PRPSAP1: variants seen among roughly 807,000 people sequenced by gnomAD.
PRPSAP1 encodes phosphoribosyl pyrophosphate synthetase associated protein 1.
PRPSAP1 carries 31 observed loss-of-function variants against 39.4 expected under a neutral mutation model. That is an observed-to-expected ratio of 0.79 (90% CI 0.59 to 1.06). PRPSAP1 has a LOEUF of 1.06. Ranked by LOEUF, PRPSAP1 falls within the 50% of genes least tolerant of loss-of-function variation. The pLI is 0.00. For synonymous variants in PRPSAP1, 212 were observed against 192.6 expected (o/e 1.10, Z -0.83); for missense variants, 430 against 511.6 (o/e 0.84, Z 1.54).
Position 76,326,444 on chromosome 17 carries a change from A to C in PRPSAP1, c.781+2273T>G, listed in dbSNP as rs528662411. 2.6e-5 allele frequency among the ~76,000 whole-genome samples: 4 copies of C among 152,264 alleles called. No individual in the cohort carries two copies. In the South Asian group the frequency reaches 8.3e-4, roughly 32 times the overall value. ...TACAGTGGAGAAACCTGCCAGAGAA[A>C]CCTTAACCAACTTATCAGAATGCAC... On this transcript the variant is annotated intron_variant, in intron 7 of 9. Coordinates refer to ENST00000446526, the MANE Select transcript of PRPSAP1 (RefSeq NM_002766.3).
Position 76,353,892 on chromosome 17 carries a change from G to A in PRPSAP1, c.-189C>T, listed in dbSNP as rs2071613802. The stretch of plus-strand genomic sequence containing the variant: ...AGCGGCCGAGCCTTCGCAGCGCCCG[G>A]CGCCGCCGCCTCAGAGCCAGAGGCA... On this transcript the variant is annotated 5_prime_UTR_variant, in exon 1 of 10. Coordinates refer to ENST00000446526, the MANE Select transcript of PRPSAP1 (RefSeq NM_002766.3). 4.5e-6 allele frequency: 6 copies of A among 1,329,796 alleles called. No individual in the cohort carries two copies. Among genetic ancestry groups the A allele is most frequent in the Middle Eastern group, 2.8e-4 (1 of 3,538 alleles). The allele number at this position is 1,329,796 out of a possible 1,614,324, so 82.4% of individuals were successfully genotyped here.
In PRPSAP1 at chr17:76,331,221, AAAAGGTACATATATAT is replaced by A. The variant is rs1283443354; in HGVS notation, c.464-571_464-556del. Among the ~76,000 whole-genome samples the A allele has an allele frequency of 2.6e-5, 4 of 152,210 alleles. No homozygotes were observed. In the East Asian group the frequency reaches 7.7e-4, roughly 29 times the overall value. Reference sequence around the variant, plus strand: ...CTTATAATCAAGAGTACTGAAGAGGAAAAGGTACATATATATAAACACATTGCAAATGGTCAAAGGT... The same window carrying A: ...CTTATAATCAAGAGTACTGAAGAGGAAAACACATTGCAAATGGTCAAAGGT... On this transcript the variant is annotated intron_variant, in intron 4 of 9. Coordinates refer to ENST00000446526, the MANE Select transcript of PRPSAP1 (RefSeq NM_002766.3).
chr17:76,320,591 A>ATTTTT (rs34656314), intron 7 of PRPSAP1, among the ~76,000 whole-genome samples: 1 of 139,164 alleles, frequency 7.2e-6, no homozygotes. Flanking sequence ...CGTCCAGCTA[A>ATTTTT]TTTTTTTTTT....
intron 9 of PRPSAP1, 72 bp downstream of exon 9, chr17:76,312,798 T>C: frequency 5.2e-6 from 8 of 1,540,124 alleles, no homozygotes; most frequent in Non-Finnish European, 6.1e-6. Context: ...AATTTAGTAT[T>C]GACTGAATCA....
chr17:76,334,013 C>T (rs1263835895), intron 3 of PRPSAP1, among the ~76,000 whole-genome samples: 1 of 152,222 alleles, frequency 6.6e-6, no homozygotes, highest in African/African-American at 2.4e-5. Flanking sequence ...CTCAGCCTAT[C>T]AAAGCACTGG....
At position 76,345,334 on chromosome 17, in the gene PRPSAP1, G is replaced by A. The variant is rs532317486; in HGVS notation, c.224-597C>T. Reference sequence around the variant, plus strand: ...ATACAAAAATTAGCCAGGCATGGTGGCGCACAACTATAATCCCAGCTACTC... The same window carrying A: ...ATACAAAAATTAGCCAGGCATGGTGACGCACAACTATAATCCCAGCTACTC... On this transcript the variant is annotated intron_variant, in intron 2 of 9. Coordinates refer to ENST00000446526, the MANE Select transcript of PRPSAP1 (RefSeq NM_002766.3). 8.7e-5 allele frequency among the ~76,000 whole-genome samples: 13 copies of A among 150,210 alleles called. No individual in the cohort carries two copies. In the East Asian group the frequency reaches 2.5e-3, roughly 29 times the overall value.
intron 7 of PRPSAP1, among the ~76,000 whole-genome samples, chr17:76,315,827 G>A (rs1207325745): frequency 1.4e-5 from 2 of 146,064 alleles, no homozygotes; most frequent in African/African-American, 2.5e-5. Flanking sequence ...CGATTCTCCT[G>A]CTTCAGCCTC....
At chr17:76,313,559 G>T in intron 8 of PRPSAP1, 1 of 440,432 alleles carries the variant, frequency 2.3e-6, no homozygotes, top group African/African-American at 2.0e-5. Flanking sequence ...CTGGTTTAAA[G>T]AACCTAGAAT....
At chr17:76,343,022 A>G (rs1356297744) in intron 3 of PRPSAP1, among the ~76,000 whole-genome samples, 1 of 152,218 alleles carries the variant, frequency 6.6e-6, no homozygotes, top group African/African-American at 2.4e-5. Flanking sequence ...GGCTGCAGTG[A>G]GCCAAGATCA....
chr17:76,353,384 G>A (rs2071601166), intron 1 of PRPSAP1, 150 bp downstream of exon 1: 17 of 768,482 alleles, frequency 2.2e-5, no homozygotes, highest in Non-Finnish European at 2.5e-5. Flanking sequence ...GGCGGTATCC[G>A]TCACCTCCAA....
In PRPSAP1 at chr17:76,310,267, G is replaced by A. The variant is rs535908458; in HGVS notation, c.*1275C>T. The A allele has an allele frequency of 6.8e-6, 1 of 147,870 alleles. No individual in the cohort carries two copies. Among genetic ancestry groups the A allele is most frequent in the South Asian group, 2.1e-4 (1 of 4,710 alleles). 9.2% of individuals were successfully genotyped at this position (147,870 alleles called of 1,614,324 possible). A position where few individuals can be genotyped will look rare whatever the true frequency, so the allele number is the denominator to read the frequency against. ...CCACCTCGGCCTCCCAAAGTGCTGG[G>A]ATTACAGGCGTGAGCCATGATGCCT... On this transcript the variant is annotated 3_prime_UTR_variant, in exon 10 of 10. Coordinates refer to ENST00000446526, the MANE Select transcript of PRPSAP1 (RefSeq NM_002766.3).
intron 3 of PRPSAP1, among the ~76,000 whole-genome samples, chr17:76,341,012 C>G (rs765554826): frequency 2.0e-5 from 3 of 151,852 alleles, no homozygotes; most frequent in Non-Finnish European, 2.9e-5. Flanking sequence ...GGGTCTCTGC[C>G]GTGAGAAGGT....
intron 7 of PRPSAP1, among the ~76,000 whole-genome samples, chr17:76,322,404 A>G (rs971267683): frequency 5.3e-5 from 8 of 152,188 alleles, no homozygotes; most frequent in African/African-American, 1.2e-4. Context: ...TCAAAAAAAT[A>G]TATTTATCAA....
At chr17:76,344,205 G>C (rs976124797) in intron 3 of PRPSAP1, among the ~76,000 whole-genome samples, 1 of 151,398 alleles carries the variant, frequency 6.6e-6, no homozygotes, top group African/African-American at 2.4e-5. Context: ...TCGGCTCACT[G>C]CAAGCTCTGC....
In PRPSAP1 at chr17:76,344,680, G is replaced by T. The variant is rs1363574785; in HGVS notation, c.281C>A (p.Thr94Lys). The T allele has an allele frequency of 6.4e-7, 1 of 1,570,596 alleles. No individual in the cohort carries two copies. The change falls in exon 3 of 10, where the codon ACA (threonine) becomes AAA (lysine). Residue 94 changes from threonine (T) to lysine (K), a missense_variant. Thr to Lys is a moderately conservative substitution (Grantham distance 78, BLOSUM62 -1). Transcript: ENST00000446526. ...TAGTCAGTCCTCTTACCTGGGTATT[G>T]TCTGTATAATGAAAATATCTTGGCC... Reference protein sequence around the residue: ...VRGQDIFIIQTIPRDVNTAVM... With the variant: ...VRGQDIFIIQKIPRDVNTAVM...
intron 3 of PRPSAP1, among the ~76,000 whole-genome samples, chr17:76,337,656 AGTGCAGT>A (rs2071394170): frequency 6.6e-6 from 1 of 152,168 alleles, no homozygotes; most frequent in Admixed American, 6.6e-5. Flanking sequence ...GGAAGGCGAG[AGTGCAGT>A]AGCACCATCT....
intron 3 of PRPSAP1, among the ~76,000 whole-genome samples, chr17:76,338,933 T>C (rs1265459575): frequency 6.6e-6 from 1 of 151,702 alleles, no homozygotes; most frequent in Middle Eastern, 3.2e-3. Flanking sequence ...CTCGGGAGGC[T>C]CAGGCAGGAG....
intron 1 of PRPSAP1, among the ~76,000 whole-genome samples, chr17:76,349,081 C>T (rs2071540744): frequency 6.6e-6 from 1 of 151,720 alleles, no homozygotes; most frequent in Admixed American, 6.6e-5. Context: ...GAGGCCAAGG[C>T]GGGCGGATCA....
chr17:76,317,998 T>G (rs750267640), intron 7 of PRPSAP1, among the ~76,000 whole-genome samples: 5 of 152,144 alleles, frequency 3.3e-5, no homozygotes, highest in Non-Finnish European at 5.9e-5. Flanking sequence ...ACTGGGTGAT[T>G]ATCACACTGC....
Sources: gnomAD v4.1 joint callset for allele counts (sites outside exome capture counted in the v4.1 genomes callset) on GRCh38, gnomAD v4.1.1 for gene constraint, MANE v1.5 for transcripts, NCBI Gene and HGNC (gene_info 2026-07-23, HGNC 2026-07-21) for gene names.